The following ZNF808 variants were observed in gnomAD, a reference collection of about 807,000 sequenced individuals.
ZNF808 encodes zinc finger protein 808.
In ZNF808, 5 loss-of-function variants were observed where a neutral mutation model predicts 8.7. The ratio of observed to expected loss-of-function variants is 0.58; its 90% CI spans 0.30 to 1.21. The LOEUF (loss-of-function observed/expected upper bound fraction) is 1.21. Among genes scored for constraint, ZNF808 ranks in the 50% most tolerant of loss-of-function variants. The pLI is 0.07. For synonymous variants in ZNF808, 380 were observed against 366.0 expected (o/e 1.04, Z -0.44); for missense variants, 1,103 against 1,098.4 (o/e 1.00, Z -0.06).
chr19:52,564,345 ATAT>A (rs2059867288), exon 4 of ZNF808: 2 of 553,396 alleles, frequency 3.6e-6, no homozygotes, highest in Non-Finnish European at 6.4e-6. Flanking sequence ...TATTGGGAAT[ATAT>A]TTTTTTCTCT....
Position 52,553,949 on chromosome 19 carries a change from T to G in ZNF808, c.1033T>G (p.Cys345Gly). 3.7e-6 allele frequency: 6 copies of G among 1,614,164 alleles called. No individual in the cohort carries two copies. The highest frequency in any genetic ancestry group is 5.1e-6 in the Non-Finnish European group (6 of 1,180,034). The change falls in exon 5 of 5, where the codon TGT becomes GGT. Residue 345 changes from cysteine to glycine, a missense_variant. By Grantham distance (159) the Cys-to-Gly change is radical. Transcript: ENST00000359798. Reference protein sequence around the residue: ...AIHTGEKPYKCNECGKAFNQQ... With the variant: ...AIHTGEKPYKGNECGKAFNQQ... The stretch of plus-strand genomic sequence containing the variant: ...TCATACTGGAGAGAAACCTTACAAG[T>G]GTAATGAATGTGGCAAGGCTTTTAA...
downstream of ZNF808, among the ~76,000 whole-genome samples, chr19:52,561,204 CTCTCTCTCTATA>C (rs1484723149): frequency 0.018 from 688 of 38,856 alleles, 2 homozygotes; most frequent in Non-Finnish European, 0.021. Flanking sequence ...CTCTCTCTCT[CTCTCTCTCTATA>C]TATATATATA....
At chr19:52,568,300 G>C (rs891440577), downstream of ZNF808, among the ~76,000 whole-genome samples, 1 of 152,226 alleles carries the variant, frequency 6.6e-6, no homozygotes, top group Non-Finnish European at 1.5e-5. Flanking sequence ...CTTGAACCCA[G>C]GACGTGGAGG....
In ZNF808 at chr19:52,553,362, A is replaced by G. The variant is rs1441597293; in HGVS notation, c.446A>G (p.Asn149Ser). ...TDQHDHRHAG[N>S]KPIKDQLGSS... ...CAACATGATCACAGGCATGCTGGAA[A>G]CAAGCCTATTAAAGATCAGCTTGGA... The change falls in exon 5 of 5, where the codon AAC (asparagine) becomes AGC (serine). Residue 149 changes from asparagine to serine, a missense_variant. Physicochemically the swap from Asn to Ser is conservative, Grantham distance 46 (BLOSUM62 1). Coordinates refer to ENST00000359798, the MANE Select transcript of ZNF808 (RefSeq NM_001039886.4). The G allele has an allele frequency of 1.9e-6, 3 of 1,614,186 alleles. No homozygotes were observed. Among genetic ancestry groups the G allele is most frequent in the East Asian group, 2.2e-5 (1 of 44,874 alleles).
At chr19:52,561,153 A>T (rs60787192), downstream of ZNF808, among the ~76,000 whole-genome samples, 32,600 of 125,312 alleles carry the variant, frequency 0.26, 4,421 homozygotes, top group African/African-American at 0.3. Context: ...ATGTACTTCT[A>T]TCTGTTCTCT....
chr19:52,547,114 A>C (rs866410299), intron 3 of ZNF808, among the ~76,000 whole-genome samples: 57 of 151,846 alleles, frequency 3.8e-4, no homozygotes, highest in Middle Eastern at 6.8e-3. Flanking sequence ...TGTCCGTCTA[A>C]TTTTTATATT....
At chr19:52,537,013 C>T (rs1199861034) in intron 2 of ZNF808, among the ~76,000 whole-genome samples, 10 of 147,106 alleles carry the variant, frequency 6.8e-5, no homozygotes, top group African/African-American at 2.5e-4. Context: ...ATGGAGAAAC[C>T]CCATCCCTGC....
chr19:52,552,288 A>G (rs1202305630), intron 4 of ZNF808, among the ~76,000 whole-genome samples: 3 of 152,102 alleles, frequency 2.0e-5, no homozygotes, highest in Non-Finnish European at 4.4e-5. Flanking sequence ...AAGTGCTGGG[A>G]TTACAGGCAT....
intron 1 of ZNF808, among the ~76,000 whole-genome samples, chr19:52,528,805 G>A (rs190244182): frequency 1.3e-5 from 2 of 152,170 alleles, no homozygotes; most frequent in Admixed American, 1.3e-4. Flanking sequence ...GAGAGCAGAG[G>A]AGGCGCAGAG....
At chr19:52,568,500 G>T (rs1418289943), downstream of ZNF808, among the ~76,000 whole-genome samples, 1 of 140,038 alleles carries the variant, frequency 7.1e-6, no homozygotes, top group African/African-American at 2.5e-5. Context: ...TGGCATCATT[G>T]TCCCTTCTTA....
At chr19:52,552,665 C>G (rs1393005622) in intron 4 of ZNF808, among the ~76,000 whole-genome samples, 2 of 141,754 alleles carry the variant, frequency 1.4e-5, no homozygotes, top group Admixed American at 7.0e-5. Context: ...CTTACATGAG[C>G]TTGTTGTGGA....
rs766490209 is a variant in ZNF808 at position 52,554,533 on chromosome 19, C to T, written c.1617C>T (p.Tyr539=). ...HRRLHTLEKS[Y]KCTVCNKVFM... is the part of the protein sequence containing the mutation. ...GACTTCACACTCTAGAGAAATCTTA[C>T]AAATGTACGGTTTGTAACAAGGTTT... Residue 539 remains tyrosine (Y), a synonymous_variant, in exon 5 of 5, where the codon TAC becomes TAT. Transcript: ENST00000359798. The T allele has an allele frequency of 3.7e-6, 6 of 1,614,106 alleles. No individual in the cohort carries two copies. The highest frequency in any genetic ancestry group is 2.7e-5 in the African/African-American group (2 of 75,042).
downstream of ZNF808, chr19:52,556,889 C>G (rs1177235770): frequency 6.6e-6 from 1 of 152,208 alleles, no homozygotes; most frequent in Admixed American, 6.5e-5. Flanking sequence ...TCAAGGCCCT[C>G]TGGACCATTC....
chr19:52,537,182 T>C (rs1412049895), intron 2 of ZNF808, among the ~76,000 whole-genome samples: 1 of 103,830 alleles, frequency 9.6e-6, no homozygotes, highest in South Asian at 2.8e-4. Context: ...GTGAAACTCT[T>C]TCTCAAAAAA....
At chr19:52,539,183 CAT>C (rs1491135911) in intron 2 of ZNF808, among the ~76,000 whole-genome samples, 30 of 102,348 alleles carry the variant, frequency 2.9e-4, no homozygotes, top group African/African-American at 1.4e-3. Flanking sequence ...CTCTTCATTT[CAT>C]TTTTTTTTTT....
intron 3 of ZNF808, among the ~76,000 whole-genome samples, chr19:52,561,906 A>T (rs1190217994): frequency 1.3e-5 from 2 of 152,198 alleles, no homozygotes; most frequent in African/African-American, 4.8e-5. Flanking sequence ...TGCAGGTTTT[A>T]TGCTACAGGC....
At chr19:52,551,793 A>G (rs1259149641) in intron 4 of ZNF808, among the ~76,000 whole-genome samples, 1 of 134,578 alleles carries the variant, frequency 7.4e-6, no homozygotes, top group African/African-American at 2.7e-5. Flanking sequence ...ACTTAAGGTC[A>G]GGAGTTTGAG....
intron 4 of ZNF808, among the ~76,000 whole-genome samples, chr19:52,552,411 CT>C (rs777720809): frequency 1.7e-3 from 235 of 141,690 alleles, no homozygotes; most frequent in Middle Eastern, 0.011. Context: ...TAACTTTTTT[CT>C]TTTTTTTTTT....
chr19:52,531,837 T>G (rs1257987385), intron 1 of ZNF808, among the ~76,000 whole-genome samples: 1 of 152,234 alleles, frequency 6.6e-6, no homozygotes, highest in East Asian at 1.9e-4. Flanking sequence ...ACTGTACTTG[T>G]GACATTGTAA....
Sources: allele counts gnomAD v4.1 joint callset (sites outside exome capture counted in the v4.1 genomes callset), GRCh38; gene constraint gnomAD v4.1.1; transcripts MANE v1.5; gene names NCBI Gene and HGNC (gene_info 2026-07-23, HGNC 2026-07-21).